The following TMEM30A variants were observed in gnomAD, a reference collection of about 807,000 sequenced individuals.
The protein encoded by TMEM30A is cell cycle control protein 50A.
In TMEM30A, 24 loss-of-function variants were observed where a neutral mutation model predicts 38.2. That is an observed-to-expected ratio of 0.63 (90% CI 0.46 to 0.88). The LOEUF is 0.88. Ranked by LOEUF, TMEM30A falls within the 40% of genes least tolerant of loss-of-function variation. TMEM30A has a pLI of 0.00. For missense variants in TMEM30A, 370 were observed against 458.6 expected, an observed-to-expected ratio of 0.81 and a Z score of 1.77; for synonymous variants, 145 against 161.6, an observed-to-expected ratio of 0.90 and a Z score of 0.78.
intron 1 of TMEM30A, 75 bp downstream of exon 1, chr6:75,284,327 G>T: frequency 7.0e-7 from 1 of 1,421,528 alleles, no homozygotes; most frequent in Non-Finnish European, 9.9e-7. Flanking sequence ...CTGGGCGCTG[G>T]GAAAGAAGTG....
chr6:75,263,163 A>T (rs920193914), intron 3 of TMEM30A, among the ~76,000 whole-genome samples: 2 of 152,218 alleles, frequency 1.3e-5, no homozygotes, highest in African/African-American at 4.8e-5. Flanking sequence ...CAGCCATGTA[A>T]AGAGAAGACA....
chr6:75,282,134 A>C (rs766632499), intron 1 of TMEM30A, among the ~76,000 whole-genome samples: 6 of 152,222 alleles, frequency 3.9e-5, no homozygotes, highest in Non-Finnish European at 7.3e-5. Context: ...ACAACCTCTT[A>C]GACGCAGTCT....
intron 2 of TMEM30A, among the ~76,000 whole-genome samples, chr6:75,265,955 T>C (rs1456127068): frequency 1.3e-5 from 2 of 152,116 alleles, no homozygotes; most frequent in Non-Finnish European, 2.9e-5. Flanking sequence ...TATGAGTTAA[T>C]AAACTACTAA....
chr6:75,267,803 C>A, intron 1 of TMEM30A, 55 bp from the exon 2 acceptor site: 1 of 1,195,326 alleles, frequency 8.4e-7, no homozygotes, highest in Non-Finnish European at 1.2e-6. Context: ...ATACCTAAAA[C>A]ACTCTGAAAC....
intron 4 of TMEM30A, among the ~76,000 whole-genome samples, chr6:75,260,274 C>T (rs555633558): frequency 2.6e-4 from 40 of 151,912 alleles, no homozygotes; most frequent in Non-Finnish European, 4.7e-4. Flanking sequence ...GGCGTGGTTG[C>T]GGGCGCCTGT....
intron 1 of TMEM30A, among the ~76,000 whole-genome samples, chr6:75,268,897 G>T (rs1190144164): frequency 2.6e-5 from 4 of 152,138 alleles, no homozygotes; most frequent in Non-Finnish European, 5.9e-5. Flanking sequence ...ATTTCAGGAT[G>T]GTTAGTGCCA....
intron 1 of TMEM30A, among the ~76,000 whole-genome samples, chr6:75,276,562 CAT>C (rs891262375): frequency 6.6e-6 from 1 of 151,888 alleles, no homozygotes; most frequent in East Asian, 1.9e-4. Context: ...AATTTCCACA[CAT>C]GTGGTGTCAG....
chr6:75,253,132 T>C lies in TMEM30A; in HGVS notation c.*2970A>G, dbSNP rs1771808036. On this transcript the variant is annotated 3_prime_UTR_variant, in exon 7 of 7. Coordinates refer to ENST00000230461, the MANE Select transcript of TMEM30A (RefSeq NM_018247.4). ...CTCCACCCTCCCCTCAAAATACCCA[T>C]GTTCACAAAGAACAAAACCTTACAG... is the stretch of plus-strand genomic sequence containing the variant. The C allele has an allele frequency of 6.6e-6, 1 of 151,968 alleles. No individual in the cohort carries two copies. The highest frequency in any genetic ancestry group is 2.4e-5 in the African/African-American group (1 of 41,380). 9.4% of individuals were successfully genotyped at this position (151,968 alleles called of 1,614,324 possible).
At chr6:75,263,243 T>C (rs1459260924) in intron 3 of TMEM30A, among the ~76,000 whole-genome samples, 1 of 152,088 alleles carries the variant, frequency 6.6e-6, no homozygotes, top group Non-Finnish European at 1.5e-5. Flanking sequence ...AAGGTAATGG[T>C]GAATGTAGCT....
intron 1 of TMEM30A, among the ~76,000 whole-genome samples, chr6:75,283,179 T>C (rs1772389075): frequency 6.6e-6 from 1 of 152,208 alleles, no homozygotes; most frequent in East Asian, 1.9e-4. Context: ...ACTGTAGAAT[T>C]ACAAAATACA....
intron 2 of TMEM30A, among the ~76,000 whole-genome samples, chr6:75,266,099 G>C (rs553411238): frequency 5.3e-5 from 8 of 152,290 alleles, no homozygotes; most frequent in Admixed American, 3.9e-4. Flanking sequence ...TTTAGAAGAT[G>C]CTAAGAAGCC....
intron 1 of TMEM30A, chr6:75,284,073 C>A: frequency 2.7e-6 from 1 of 372,702 alleles, no homozygotes. Flanking sequence ...ACAACCCCCA[C>A]TAATCCCCCA....
In TMEM30A at chr6:75,254,033, T is replaced by C. The variant is rs1293683171; in HGVS notation, c.*2069A>G. ...CTCCCCCCATGCTTCACAGAGACTA[T>C]ACGAATGTTCCATACTCTTCATATT... On this transcript the variant is annotated 3_prime_UTR_variant, in exon 7 of 7. Transcript: ENST00000230461. 1 of 152,142 alleles carries C rather than the reference T, an allele frequency of 6.6e-6. No individual in the cohort carries two copies. The highest frequency in any genetic ancestry group is 1.9e-4 in the East Asian group (1 of 5,202). 9.4% of individuals were successfully genotyped at this position (152,142 alleles called of 1,614,324 possible).
At chr6:75,273,607 T>C (rs1186419423) in intron 1 of TMEM30A, among the ~76,000 whole-genome samples, 2 of 152,084 alleles carry the variant, frequency 1.3e-5, no homozygotes, top group Admixed American at 6.5e-5. Context: ...AGAGACTACA[T>C]CCCTGACTGG....
chr6:75,256,139 T>C lies in TMEM30A; in HGVS notation c.1049A>G (p.Tyr350Cys), dbSNP rs745472714. The change falls in exon 7 of 7, where the codon TAT (tyrosine) becomes TGT (cysteine). Residue 350 changes from tyrosine to cysteine, a missense_variant. Physicochemically the swap from Tyr to Cys is radical, Grantham distance 194 (BLOSUM62 -2). Transcript: ENST00000230461. Reference protein sequence around the residue: ...GVVLLVINHKYRNSSNTADIT... With the variant: ...GVVLLVINHKCRNSSNTADIT... ...GTCAGCTGTATTACTACTGTTTCTATATTTATGATTAATTACTAGCAGTAC... is the reference window on the plus strand; with the variant it reads ...GTCAGCTGTATTACTACTGTTTCTACATTTATGATTAATTACTAGCAGTAC... The C allele has an allele frequency of 2.7e-5, 43 of 1,612,018 alleles. No individual in the cohort carries two copies. The highest frequency in any genetic ancestry group is 3.3e-5 in the Non-Finnish European group (39 of 1,178,612).
intron 1 of TMEM30A, chr6:75,284,100 G>T: frequency 3.3e-6 from 1 of 300,816 alleles, no homozygotes; most frequent in South Asian, 3.1e-5. Context: ...CACACAAACC[G>T]CCCACTGAAG....
chr6:75,267,657 A>T lies in TMEM30A; in HGVS notation c.329T>A (p.Leu110Gln). The stretch of plus-strand genomic sequence containing the variant: ...AACACAGACCTCAAATGACTTTTCC[A>T]GTGTGAAGTTAATGGTACAAAAGCA... Reference protein sequence around the residue: ...TPCFCTINFTLEKSFEGNVFM... With the variant: ...TPCFCTINFTQEKSFEGNVFM... The change falls in exon 2 of 7, where the codon CTG becomes CAG. Residue 110 changes from leucine to glutamine, a missense_variant. Leu to Gln is a moderately radical substitution (Grantham distance 113). Coordinates refer to ENST00000230461, the MANE Select transcript of TMEM30A (RefSeq NM_018247.4). 6.2e-7 allele frequency: 1 copy of T among 1,610,158 alleles called. No individual in the cohort carries two copies. Among genetic ancestry groups the T allele is most frequent in the Non-Finnish European group, 8.5e-7 (1 of 1,177,952 alleles).
chr6:75,269,074 G>GAC (rs372219949), intron 1 of TMEM30A, among the ~76,000 whole-genome samples: 4 of 152,000 alleles, frequency 2.6e-5, no homozygotes, highest in Admixed American at 6.6e-5. Context: ...CTCTGCCTCT[G>GAC]ACACACACAC....
chr6:75,277,978 T>A (rs2149524444), intron 1 of TMEM30A, among the ~76,000 whole-genome samples: 1 of 152,254 alleles, frequency 6.6e-6, no homozygotes, highest in East Asian at 1.9e-4. Flanking sequence ...CACATTTATA[T>A]GCTGAACAGA....
Sources: gnomAD v4.1 joint callset for allele counts (sites outside exome capture counted in the v4.1 genomes callset) on GRCh38, gnomAD v4.1.1 for gene constraint, MANE v1.5 for transcripts, NCBI Gene and HGNC (gene_info 2026-07-23, HGNC 2026-07-21) for gene names.